ERICH6B: variants seen among roughly 807,000 people sequenced by gnomAD.
ERICH6B encodes glutamate-rich protein 6B.
A neutral mutation model predicts 80.0 loss-of-function variants in ERICH6B; 69 were observed. The observed-to-expected ratio is 0.86, with a 90% CI of 0.71 to 1.05. ERICH6B has a LOEUF of 1.05. Among genes scored for constraint, ERICH6B ranks in the 50% least tolerant of loss-of-function variants. The probability of loss-of-function intolerance (pLI) is 0.00; values close to 1 mark genes in which losing one functional copy is unlikely to be tolerated. For missense variants in ERICH6B, 754 were observed against 796.1 expected, an observed-to-expected ratio of 0.95 and a Z score of 0.64; for synonymous variants, 283 against 291.9, an observed-to-expected ratio of 0.97 and a Z score of 0.31.
At position 45,581,153 on chromosome 13, in the gene ERICH6B, G is replaced by A. The variant is rs140780087; in HGVS notation, c.857-488C>T. Among the ~76,000 whole-genome samples the A allele has an allele frequency of 3.4e-4, 51 of 152,232 alleles. No homozygotes were observed. The East Asian group carries it at 7.7e-3, about 23-fold the overall frequency. ...GGATGGGAAACATGGGGATTGCCTA[G>A]GATAGATCTGCTAAGATTTGCAATG... On this transcript the variant is annotated intron_variant, in intron 5 of 14. Transcript: ENST00000298738.
intron 14 of ERICH6B, among the ~76,000 whole-genome samples, 171 bp downstream of exon 14, chr13:45,544,589 T>C (rs772750231): frequency 1.8e-4 from 28 of 152,196 alleles, no homozygotes; most frequent in Admixed American, 7.2e-4. Flanking sequence ...CACATGAATG[T>C]ATTTGTGTGT....
At chr13:45,578,607 C>T (rs543572070) in intron 7 of ERICH6B, among the ~76,000 whole-genome samples, 1 of 152,312 alleles carries the variant, frequency 6.6e-6, no homozygotes, top group South Asian at 2.1e-4. Flanking sequence ...CCTGTTTTTA[C>T]CTCCTCCATG....
At chr13:45,586,290 G>C (rs1875897015) in intron 5 of ERICH6B, among the ~76,000 whole-genome samples, 1 of 152,134 alleles carries the variant, frequency 6.6e-6, no homozygotes, top group Non-Finnish European at 1.5e-5. Flanking sequence ...AGCAGCCACG[G>C]ATAGGGGCAG....
At chr13:45,565,205 G>A in intron 9 of ERICH6B, among the ~76,000 whole-genome samples, 1 of 152,094 alleles carries the variant, frequency 6.6e-6, no homozygotes, top group East Asian at 1.9e-4. Context: ...AGAAGCCCTG[G>A]GGGTCTCTTG....
chr13:45,613,017 G>C (rs1405035010), intron 1 of ERICH6B, among the ~76,000 whole-genome samples: 1 of 152,162 alleles, frequency 6.6e-6, no homozygotes, highest in Non-Finnish European at 1.5e-5. Context: ...ACATACCACA[G>C]AGTCCAGGAT....
At chr13:45,604,832 T>C (rs978321806) in intron 2 of ERICH6B, among the ~76,000 whole-genome samples, 1 of 152,010 alleles carries the variant, frequency 6.6e-6, no homozygotes, top group African/African-American at 2.4e-5. Flanking sequence ...GAGGCTGAGA[T>C]GGGAGGATCA....
At chr13:45,610,863 A>G (rs1231539792) in intron 1 of ERICH6B, among the ~76,000 whole-genome samples, 1 of 148,830 alleles carries the variant, frequency 6.7e-6, no homozygotes, top group African/African-American at 2.5e-5. Context: ...GTGTGTATAT[A>G]TATATTTATA....
At chr13:45,576,714 GT>G (rs112341659) in intron 7 of ERICH6B, among the ~76,000 whole-genome samples, 4,809 of 150,120 alleles carry the variant, frequency 0.032, 261 homozygotes, top group African/African-American at 0.11. Flanking sequence ...TATTTTAGTA[GT>G]TTTTTTTTTG....
At chr13:45,563,537 T>G in intron 10 of ERICH6B, 190 bp downstream of exon 10, 1 of 606,664 alleles carries the variant, frequency 1.6e-6, no homozygotes, top group Non-Finnish European at 3.0e-6. Context: ...AGAAACTCAC[T>G]GGGGCCCTAG....
At chr13:45,550,664 G>A (rs1874183800) in intron 11 of ERICH6B, among the ~76,000 whole-genome samples, 1 of 152,142 alleles carries the variant, frequency 6.6e-6, no homozygotes, top group Non-Finnish European at 1.5e-5. Flanking sequence ...AAATCAAAGG[G>A]TCCCCAGGGT....
chr13:45,584,539 A>G (rs554662601), intron 5 of ERICH6B, among the ~76,000 whole-genome samples: 1 of 152,108 alleles, frequency 6.6e-6, no homozygotes, highest in Non-Finnish European at 1.5e-5. Flanking sequence ...GAAGTTCTCC[A>G]TTTCCTCATT....
intron 9 of ERICH6B, among the ~76,000 whole-genome samples, chr13:45,565,095 C>A (rs1361332362): frequency 6.6e-6 from 1 of 151,928 alleles, no homozygotes; most frequent in East Asian, 1.9e-4. Context: ...GAAAATGGCA[C>A]AGAGGCAGTG....
At chr13:45,585,489 G>A (rs1875862690) in intron 5 of ERICH6B, among the ~76,000 whole-genome samples, 1 of 152,142 alleles carries the variant, frequency 6.6e-6, no homozygotes, top group South Asian at 2.1e-4. Flanking sequence ...GACAGAAGGG[G>A]AGAGAAAAAC....
At chr13:45,576,454 AT>A (rs1266864767) in intron 7 of ERICH6B, among the ~76,000 whole-genome samples, 1 of 152,232 alleles carries the variant, frequency 6.6e-6, no homozygotes. Context: ...GACCAGGGAC[AT>A]TTTAAAAAAA....
At chr13:45,544,456 A>C (rs1381136344) in intron 14 of ERICH6B, among the ~76,000 whole-genome samples, 1 of 152,150 alleles carries the variant, frequency 6.6e-6, no homozygotes, top group African/African-American at 2.4e-5. Context: ...TCCTAGGCTC[A>C]AGGGATCCAC....
In ERICH6B at chr13:45,541,513, T is replaced by C. The variant is rs1873769774; in HGVS notation, c.2040A>G (p.Ser680=). The part of the protein sequence containing the change: ...LENFIEAVSI[S]LMDNKYLKKM... Reference sequence around the variant, plus strand: ...TCTTCAGGTACTTGTTGTCCATCAGTGATATACTGACGGCCTCTATGAAGT... The same window carrying C: ...TCTTCAGGTACTTGTTGTCCATCAGCGATATACTGACGGCCTCTATGAAGT... Residue 680 remains serine, a synonymous_variant, in exon 15 of 15, where the codon TCA becomes TCG. Transcript: ENST00000298738. The C allele has an allele frequency of 6.4e-7, 1 of 1,552,104 alleles. No individual in the cohort carries two copies. Among genetic ancestry groups the C allele is most frequent in the Non-Finnish European group, 8.7e-7 (1 of 1,147,076 alleles).
At chr13:45,588,036 A>C (rs1875992284) in intron 4 of ERICH6B, among the ~76,000 whole-genome samples, 1 of 152,182 alleles carries the variant, frequency 6.6e-6, no homozygotes, top group South Asian at 2.1e-4. Flanking sequence ...TGGCTCTTGC[A>C]ACATAGTAGA....
rs1428610799 is a variant in ERICH6B, at chr13:45,549,954, T to C, written c.1585A>G (p.Ile529Val). Residue 529 changes from isoleucine (I) to valine (V), a missense_variant, in exon 13 of 15, where the codon ATC becomes GTC. Physicochemically the swap from Ile to Val is conservative, Grantham distance 29. Coordinates refer to ENST00000298738, the MANE Select transcript of ERICH6B (RefSeq NM_182542.3). ...CCTGAGTTGTTGATAAGGGCCCGGA[T>C]CCTCCCTTCTAGACTGTCTTCCAGA... ...IILEDSLEGRIRALINNSGNA... is the reference protein window; with the variant it reads ...IILEDSLEGRVRALINNSGNA... 1 of 1,551,714 alleles carries C rather than the reference T, an allele frequency of 6.4e-7. No individual in the cohort carries two copies. Among genetic ancestry groups the C allele is most frequent in the South Asian group, 1.2e-5 (1 of 84,058 alleles).
intron 6 of ERICH6B, 70 bp downstream of exon 6, chr13:45,580,533 T>G: frequency 6.7e-7 from 1 of 1,501,384 alleles, no homozygotes; most frequent in Non-Finnish European, 9.1e-7. Flanking sequence ...AGGCTAATTC[T>G]GTGCTTCTTA....
Sources: allele counts gnomAD v4.1 joint callset (sites outside exome capture counted in the v4.1 genomes callset), GRCh38; gene constraint gnomAD v4.1.1; transcripts MANE v1.5; gene names NCBI Gene and HGNC (gene_info 2026-07-23, HGNC 2026-07-21).